EEIG2: variants seen among roughly 807,000 people sequenced by gnomAD.
The protein encoded by EEIG2 is EEIG family member 2.
chr1:108,588,747 A>G, the EEIG2 span, among the ~76,000 whole-genome samples: 4 of 119,072 alleles, frequency 3.4e-5, no homozygotes, highest in East Asian at 2.5e-4. Context: ...TTTTTTTGCT[A>G]TTGAGTTGTA....
the EEIG2 span, chr1:108,560,636 C>T: frequency 6.5e-7 from 1 of 1,537,706 alleles, no homozygotes; most frequent in Non-Finnish European, 8.7e-7. Flanking sequence ...AGCATCTCTC[C>T]TTGGCCCATT....
chr1:108,578,613 C>T, the EEIG2 span, among the ~76,000 whole-genome samples: 4 of 151,504 alleles, frequency 2.6e-5, no homozygotes, highest in East Asian at 1.9e-4. Context: ...TATTGATTTG[C>T]GTATATTGAC....
chr1:108,612,225 T>C, the EEIG2 span: 2 of 1,613,622 alleles, frequency 1.2e-6, no homozygotes, highest in Non-Finnish European at 1.7e-6. Context: ...GATCAGGAAA[T>C]ACCACTCGCC....
chr1:108,595,136 A>G, the EEIG2 span, among the ~76,000 whole-genome samples: 14 of 152,248 alleles, frequency 9.2e-5, no homozygotes, highest in African/African-American at 3.4e-4. Context: ...TAAAGTATTT[A>G]TATATTAGTA....
chr1:108,562,020 T>C, the EEIG2 span, among the ~76,000 whole-genome samples: 1 of 152,342 alleles, frequency 6.6e-6, no homozygotes, highest in East Asian at 1.9e-4. Context: ...ACTTATTCTT[T>C]CGTTGTAGGC....
chr1:108,599,029 G>A, the EEIG2 span, among the ~76,000 whole-genome samples: 9 of 152,158 alleles, frequency 5.9e-5, no homozygotes, highest in African/African-American at 1.9e-4. Flanking sequence ...GTTGAGTGTG[G>A]TAGTGTATGC....
At chr1:108,634,864 G>A in the EEIG2 span, among the ~76,000 whole-genome samples, 1 of 152,196 alleles carries the variant, frequency 6.6e-6, no homozygotes, top group East Asian at 1.9e-4. Context: ...TCAAGAATTG[G>A]GGAATTCTAA....
chr1:108,619,917 T>C, the EEIG2 span, among the ~76,000 whole-genome samples: 6 of 152,144 alleles, frequency 3.9e-5, no homozygotes, highest in African/African-American at 1.4e-4. Context: ...TTATGAATCC[T>C]AGTATATAAA....
At chr1:108,561,045 C>T in the EEIG2 span, among the ~76,000 whole-genome samples, 5 of 152,200 alleles carry the variant, frequency 3.3e-5, no homozygotes, top group Admixed American at 1.3e-4. Context: ...TGACTTGAGT[C>T]AAGTGCTCCT....
chr1:108,635,055 G>A, the EEIG2 span: 1 of 1,604,522 alleles, frequency 6.2e-7, no homozygotes, highest in South Asian at 1.1e-5. Flanking sequence ...ACTTGGAACA[G>A]TTTCAAACAC....
the EEIG2 span, among the ~76,000 whole-genome samples, chr1:108,575,845 G>C: frequency 6.6e-6 from 1 of 152,218 alleles, no homozygotes; most frequent in African/African-American, 2.4e-5. Flanking sequence ...TAGTGGATAT[G>C]AGGTGTCTTT....
At chr1:108,560,702 A>G in the EEIG2 span, 2 of 1,070,242 alleles carry the variant, frequency 1.9e-6, no homozygotes, top group South Asian at 1.7e-5. Context: ...TGATCTGCAA[A>G]GTGCTTTGCA....
At chr1:108,598,334 CAAAAAAAAA>C in the EEIG2 span, among the ~76,000 whole-genome samples, 140 of 91,876 alleles carry the variant, frequency 1.5e-3, 2 homozygotes, top group South Asian at 0.014. Context: ...ACCCTGTATC[CAAAAAAAAA>C]AAAAAAAAAA....
chr1:108,624,847 C>A, the EEIG2 span: 3 of 855,292 alleles, frequency 3.5e-6, no homozygotes, highest in Admixed American at 4.5e-5. Flanking sequence ...TTGAAACAGG[C>A]CAATAAGAAT....
At chr1:108,568,294 A>G in the EEIG2 span, among the ~76,000 whole-genome samples, 4,581 of 152,246 alleles carry the variant, frequency 0.03, 190 homozygotes, top group East Asian at 0.17. Flanking sequence ...TAAATTAAAT[A>G]TATGGGGAAG....
At chr1:108,613,929 T>C in the EEIG2 span, among the ~76,000 whole-genome samples, 2 of 152,018 alleles carry the variant, frequency 1.3e-5, no homozygotes, top group African/African-American at 4.8e-5. Context: ...CAGTTCCTAC[T>C]CCCATGGTCA....
chr1:108,608,562 A>G, the EEIG2 span, among the ~76,000 whole-genome samples: 373 of 152,326 alleles, frequency 2.4e-3, 1 homozygote, highest in African/African-American at 8.4e-3. Context: ...CTGGTTCTTC[A>G]CTAGAATGTA....
chr1:108,574,530 C>T, the EEIG2 span, among the ~76,000 whole-genome samples: 8 of 152,278 alleles, frequency 5.3e-5, no homozygotes, highest in Non-Finnish European at 7.4e-5. Context: ...GCAGGCAGAT[C>T]GCCTGAGATC....
chr1:108,607,247 G>A, the EEIG2 span, among the ~76,000 whole-genome samples: 1 of 152,296 alleles, frequency 6.6e-6, no homozygotes, highest in Admixed American at 6.5e-5. Flanking sequence ...GTGGCTGGCT[G>A]CTTAATTTTA....
Sources: gnomAD v4.1 joint callset for allele counts (sites outside exome capture counted in the v4.1 genomes callset) on GRCh38, gnomAD v4.1.1 for gene constraint, MANE v1.5 for transcripts, NCBI Gene and HGNC (gene_info 2026-07-23, HGNC 2026-07-21) for gene names.